GALNT6: variants seen among roughly 807,000 people sequenced by gnomAD.
GALNT6 encodes the protein GalNAc transferase 6.
Under a neutral mutation model 65.9 loss-of-function variants are expected in GALNT6, and 51 were observed. That is an observed-to-expected ratio of 0.77 (90% CI 0.62 to 0.98). GALNT6 has a LOEUF of 0.98. GALNT6 is among the 50% of genes least tolerant of loss of function. GALNT6 has a pLI of 0.00. For synonymous variants in GALNT6, 323 were observed against 315.1 expected, an observed-to-expected ratio of 1.02 and a Z score of -0.26; for missense variants, 708 against 803.3, an observed-to-expected ratio of 0.88 and a Z score of 1.43.
intron 2 of GALNT6, among the ~76,000 whole-genome samples, chr12:51,386,941 A>G (rs1179419176): frequency 6.6e-6 from 1 of 151,794 alleles, no homozygotes; most frequent in Non-Finnish European, 1.5e-5. Flanking sequence ...GGAGGTTTTT[A>G]TTTTTCCCCG....
intron 4 of GALNT6, among the ~76,000 whole-genome samples, chr12:51,374,278 C>G (rs1000576597): frequency 6.6e-6 from 1 of 151,948 alleles, no homozygotes; most frequent in Non-Finnish European, 1.5e-5. Flanking sequence ...AAGTGATCCT[C>G]CCACCTCAGC....
intron 4 of GALNT6, among the ~76,000 whole-genome samples, chr12:51,372,401 G>A (rs1947319583): frequency 6.6e-6 from 1 of 152,080 alleles, no homozygotes; most frequent in South Asian, 2.1e-4. Context: ...TAAAGACAGA[G>A]TCTTACTATG....
chr12:51,369,066 G>C (rs2137644185), intron 4 of GALNT6, among the ~76,000 whole-genome samples: 1 of 152,332 alleles, frequency 6.6e-6, no homozygotes, highest in Middle Eastern at 3.4e-3. Context: ...TCCTCAGCAT[G>C]GCTGCTGTGT....
At chr12:51,378,884 C>CG (rs78228139) in intron 3 of GALNT6, among the ~76,000 whole-genome samples, 30,934 of 139,634 alleles carry the variant, frequency 0.22, 4,027 homozygotes, top group East Asian at 0.39. Flanking sequence ...AAATGCCCAC[C>CG]CCCCCCCCAA....
chr12:51,387,032 C>A lies in GALNT6; in HGVS notation c.-104+3818G>T, dbSNP rs1343455007. Among the ~76,000 whole-genome samples, 1 of 152,178 alleles carries A rather than the reference C, an allele frequency of 6.6e-6. No individual in the cohort carries two copies. The highest frequency in any genetic ancestry group is 1.5e-5 in the Non-Finnish European group (1 of 68,030). Reference sequence around the variant, plus strand: ...TGGCTTATTTTCCCAGGAAGATACGCTGAAAATTATTTCTGTAGCTAGTCT... The same window carrying A: ...TGGCTTATTTTCCCAGGAAGATACGATGAAAATTATTTCTGTAGCTAGTCT... On this transcript the variant is annotated intron_variant, in intron 2 of 11. Transcript: ENST00000356317. The surrounding 1 kb of genome is among the most constrained non-coding windows in gnomAD (Gnocchi z 4.2).
At chr12:51,383,705 G>C (rs910129403) in intron 2 of GALNT6, 19 of 152,156 alleles carry the variant, frequency 1.2e-4, no homozygotes, top group South Asian at 4.1e-4. Context: ...ACCACATCCT[G>C]AACCGAAATG....
At chr12:51,370,882 G>A (rs1044222566) in intron 4 of GALNT6, among the ~76,000 whole-genome samples, 2 of 151,830 alleles carry the variant, frequency 1.3e-5, no homozygotes, top group African/African-American at 4.8e-5. Flanking sequence ...AAAAAGTTCC[G>A]GAGATGGTTG....
At chr12:51,362,328 T>C (rs1439481298) in intron 6 of GALNT6, among the ~76,000 whole-genome samples, 2 of 152,182 alleles carry the variant, frequency 1.3e-5, no homozygotes, top group East Asian at 1.9e-4. Context: ...ACACCCTTTA[T>C]GTCCTGGCCT....
chr12:51,368,632 C>T (rs1166909467), intron 4 of GALNT6, among the ~76,000 whole-genome samples: 1 of 152,128 alleles, frequency 6.6e-6, no homozygotes, highest in Non-Finnish European at 1.5e-5. Context: ...TCTCGAATTC[C>T]TGACCTCAAG....
rs762190413 is a variant in GALNT6, at chr12:51,379,343, T to G, written c.439A>C (p.Ser147Arg). 3.1e-5 allele frequency: 48 copies of G among 1,536,746 alleles called. No homozygotes were observed. Among genetic ancestry groups the G allele is most frequent in the Non-Finnish European group, 4.0e-5 (46 of 1,145,310 alleles). Residue 147 changes from serine to arginine, a missense_variant, in exon 3 of 12, where the codon AGC becomes CGC. Coordinates refer to ENST00000356317, the MANE Select transcript of GALNT6 (RefSeq NM_007210.4). ...YKKHCFNAFA[S>R]DRISLQRSLG... ...GACCTCTGCAGGGAGATCCGGTCGCTGGCAAAGGCATTGAAACAGTGCTTC... is the reference window on the plus strand; with the variant it reads ...GACCTCTGCAGGGAGATCCGGTCGCGGGCAAAGGCATTGAAACAGTGCTTC...
intron 2 of GALNT6, among the ~76,000 whole-genome samples, chr12:51,386,749 G>T (rs1947855270): frequency 6.6e-6 from 1 of 152,112 alleles, no homozygotes; most frequent in Admixed American, 6.6e-5. Flanking sequence ...CACTACTGTT[G>T]GGGGAAATGG....
At chr12:51,385,144 A>C (rs568880055) in intron 2 of GALNT6, among the ~76,000 whole-genome samples, 1 of 152,104 alleles carries the variant, frequency 6.6e-6, no homozygotes, top group Non-Finnish European at 1.5e-5. Flanking sequence ...GTGTGTCATC[A>C]AGACCGGCTA....
chr12:51,363,136 CA>C (rs1285929924), intron 6 of GALNT6, among the ~76,000 whole-genome samples: 8 of 152,314 alleles, frequency 5.3e-5, no homozygotes, highest in Admixed American at 2.0e-4. Context: ...GATGTATATT[CA>C]GTTGAGCCTT....
intron 4 of GALNT6, among the ~76,000 whole-genome samples, chr12:51,371,590 T>G (rs900314516): frequency 1.7e-4 from 26 of 152,200 alleles, no homozygotes; most frequent in African/African-American, 6.3e-4. Flanking sequence ...TGCCCTGCAT[T>G]CTTCTTTTTT....
In GALNT6 at chr12:51,377,233, A is replaced by G. The variant is rs781436402; in HGVS notation, c.626T>C (p.Leu209Pro). 1.9e-6 allele frequency: 3 copies of G among 1,613,850 alleles called. No homozygotes were observed. The highest frequency in any genetic ancestry group is 2.5e-6 in the Non-Finnish European group (3 of 1,180,002). The change falls in exon 4 of 12, where the codon CTC (leucine) becomes CCC (proline). Residue 209 changes from leucine to proline, a missense_variant. Transcript: ENST00000356317. ...ATCATCCACCAGTATGATCTCCTTG[A>G]GCAAGATGGCAGGGGTGGTGTGTAG... is the stretch of plus-strand genomic sequence containing the variant. ...SVLHTTPAIL[L>P]KEIILVDDAS...
At chr12:51,358,307 T>TC in intron 8 of GALNT6, 46 bp from the exon 9 acceptor site, 1 of 1,581,728 alleles carries the variant, frequency 6.3e-7, no homozygotes, top group Non-Finnish European at 8.6e-7. Flanking sequence ...ACCAGTTTTT[T>TC]TTTTTTTTTT....
At chr12:51,389,088 C>A (rs1947930999) in intron 2 of GALNT6, among the ~76,000 whole-genome samples, 1 of 152,182 alleles carries the variant, frequency 6.6e-6, no homozygotes, top group African/African-American at 2.4e-5. Flanking sequence ...CACTGCCCTG[C>A]ACTTAACCTC....
chr12:51,365,934 T>C (rs960310525), intron 4 of GALNT6, among the ~76,000 whole-genome samples: 6 of 152,208 alleles, frequency 3.9e-5, no homozygotes, highest in Non-Finnish European at 7.3e-5. Context: ...GTTGTTGTTG[T>C]TGAGATGGAG....
At chr12:51,368,912 A>G (rs1240966460) in intron 4 of GALNT6, among the ~76,000 whole-genome samples, 5 of 152,174 alleles carry the variant, frequency 3.3e-5, no homozygotes, top group Non-Finnish European at 7.4e-5. Flanking sequence ...CACTCACTCC[A>G]CAAATGTCTG....
Sources: allele counts gnomAD v4.1 joint callset (sites outside exome capture counted in the v4.1 genomes callset), GRCh38; gene constraint gnomAD v4.1.1; non-coding constraint Gnocchi (gnomAD v3.1); transcripts MANE v1.5; gene names NCBI Gene and HGNC (gene_info 2026-07-23, HGNC 2026-07-21).